Variants in NPM1 observed in about 807,000 individuals in gnomAD.
NPM1 encodes the protein nucleophosmin.
NPM1 carries 1 observed loss-of-function variant against 44.1 expected under a neutral mutation model. The ratio of observed to expected loss-of-function variants is 0.02; its 90% CI spans 0.01 to 0.11. The LOEUF (loss-of-function observed/expected upper bound fraction) is 0.11. NPM1 is among the 10% of genes least tolerant of loss of function. The pLI is 1.00. For missense variants in NPM1, 197 were observed against 347.8 expected (o/e 0.57, Z 3.45); for synonymous variants, 126 against 111.8 (o/e 1.13, Z -0.80).
At chr5:171,394,195 C>T (rs1770753087) in intron 6 of NPM1, among the ~76,000 whole-genome samples, 1 of 151,750 alleles carries the variant, frequency 6.6e-6, no homozygotes, top group Admixed American at 6.6e-5. Context: ...GCTCGGGGCA[C>T]CATGCCCTGC....
intron 1 of NPM1, 114 bp from the exon 2 acceptor site, chr5:171,389,937 G>A (rs930661947): frequency 7.6e-6 from 5 of 656,184 alleles, no homozygotes; most frequent in Non-Finnish European, 1.3e-5. Context: ...CCCTCTGGTA[G>A]CTAAAATAGT....
At chr5:171,391,123 A>T (rs1029031266) in intron 2 of NPM1, 182 bp from the exon 3 acceptor site, 1 of 644,920 alleles carries the variant, frequency 1.6e-6, no homozygotes, top group Admixed American at 3.0e-5. Flanking sequence ...GTAGTAGGCT[A>T]TACCATCTAG....
In NPM1 at chr5:171,393,051, C is replaced by T. The variant is rs528459932; in HGVS notation, c.524+73C>T. 8 of 1,521,236 alleles carry T rather than the reference C, an allele frequency of 5.3e-6. No homozygotes were observed. In the Admixed American group the frequency reaches 1.3e-4, roughly 24 times the overall value. 94.2% of individuals were successfully genotyped at this position (1,521,236 alleles called of 1,614,324 possible). On this transcript the variant is annotated intron_variant, in intron 6 of 10. Transcript: ENST00000296930. ...AAAAGGAATTTGACATAGTTATATG[C>T]ATGAGGGTTTTATAAAAGTCATTTA...
At chr5:171,403,726 G>A (rs1456587627) in intron 8 of NPM1, among the ~76,000 whole-genome samples, 55 of 140,976 alleles carry the variant, frequency 3.9e-4, no homozygotes, top group African/African-American at 5.2e-4. Flanking sequence ...GCGGCCGGCC[G>A]GGCGGGGGGC....
intron 1 of NPM1, among the ~76,000 whole-genome samples, chr5:171,388,219 G>A (rs1044702974): frequency 1.3e-5 from 2 of 152,138 alleles, no homozygotes; most frequent in Admixed American, 6.5e-5. Context: ...GGAGACGAGC[G>A]GCCTGAAGCG....
At chr5:171,406,031 A>G (rs1771542657) in intron 9 of NPM1, among the ~76,000 whole-genome samples, 1 of 152,170 alleles carries the variant, frequency 6.6e-6, no homozygotes, top group South Asian at 2.1e-4. Flanking sequence ...TGAGTAGGAT[A>G]TGGAATAAAT....
chr5:171,403,751 C>T (rs1771389793), intron 8 of NPM1, among the ~76,000 whole-genome samples: 1 of 141,608 alleles, frequency 7.1e-6, no homozygotes, highest in Non-Finnish European at 1.6e-5. Flanking sequence ...CCCCCCACCT[C>T]CCTCCCGGAC....
chr5:171,392,988 A>G lies in NPM1; in HGVS notation c.524+10A>G, dbSNP rs763837063. Reference sequence around the variant, plus strand: ...AGGATGATGATGAAGAGTAAGTATGATTTTAGAAACTTGATATACTTCCGG... The same window carrying G: ...AGGATGATGATGAAGAGTAAGTATGGTTTTAGAAACTTGATATACTTCCGG... On this transcript the variant is annotated intron_variant, in intron 6 of 10. Coordinates refer to ENST00000296930, the MANE Select transcript of NPM1 (RefSeq NM_002520.7). 2 of 1,607,534 alleles carry G rather than the reference A, an allele frequency of 1.2e-6. No homozygotes were observed. Among genetic ancestry groups the G allele is most frequent in the South Asian group, 2.2e-5 (2 of 90,580 alleles).
At chr5:171,404,164 C>T (rs1234382552) in intron 8 of NPM1, among the ~76,000 whole-genome samples, 2 of 90,612 alleles carry the variant, frequency 2.2e-5, no homozygotes, top group South Asian at 4.7e-4. Context: ...CCGGATGGCA[C>T]GGCTGGCCGG....
At chr5:171,389,909 A>C (rs1770486095) in intron 1 of NPM1, 142 bp from the exon 2 acceptor site, 10 of 617,556 alleles carry the variant, frequency 1.6e-5, no homozygotes, top group Non-Finnish European at 2.8e-6. Context: ...AAATCTAGGA[A>C]TTGATCATTC....
rs375152584 is a variant in NPM1, at chr5:171,387,906, C to G, written c.-43C>G. 1 of 1,588,140 alleles carries G rather than the reference C, an allele frequency of 6.3e-7. No homozygotes were observed. ...GTTCTCTGGAGCAGCGTTCTTTTATCTCCGTCCGCCTTCTCTCCTACCTAA... is the reference window on the plus strand; with the variant it reads ...GTTCTCTGGAGCAGCGTTCTTTTATGTCCGTCCGCCTTCTCTCCTACCTAA... On this transcript the variant is annotated 5_prime_UTR_variant, in exon 1 of 11. The change creates a new upstream start codon in the 5' untranslated region. Coordinates refer to ENST00000296930, the MANE Select transcript of NPM1 (RefSeq NM_002520.7).
intron 8 of NPM1, among the ~76,000 whole-genome samples, chr5:171,404,827 G>A (rs1771477518): frequency 6.6e-6 from 1 of 151,880 alleles, no homozygotes; most frequent in African/African-American, 2.4e-5. Flanking sequence ...TCACGCCACT[G>A]CACTCCAGCC....
chr5:171,390,727 GT>G (rs138692242), intron 2 of NPM1, among the ~76,000 whole-genome samples: 75,647 of 149,162 alleles, frequency 0.51, 19,334 homozygotes, highest in Middle Eastern at 0.59. Context: ...TACCTTTCCT[GT>G]TTTTTTTTTT....
At chr5:171,393,118 G>A in intron 6 of NPM1, 140 bp downstream of exon 6, 3 of 1,098,908 alleles carry the variant, frequency 2.7e-6, no homozygotes, top group Admixed American at 2.7e-5. Flanking sequence ...AAAAGGGCAG[G>A]TGGTCATCTG....
At chr5:171,388,589 T>G (rs1581235358) in intron 1 of NPM1, among the ~76,000 whole-genome samples, 3 of 54,000 alleles carry the variant, frequency 5.6e-5, no homozygotes, top group South Asian at 6.4e-4. Context: ...GGTTGCCACG[T>G]GGTTGGGGGA....
chr5:171,405,838 A>G, intron 9 of NPM1: 1 of 188,402 alleles, frequency 5.3e-6, no homozygotes. Context: ...CCTAGTCAGA[A>G]GTGATTTTCA....
At chr5:171,392,850 T>C (rs1383906914) in intron 5 of NPM1, 34 bp downstream of exon 5, 3 of 1,613,120 alleles carry the variant, frequency 1.9e-6, no homozygotes, top group East Asian at 2.2e-5. Context: ...GGTTTTGTAT[T>C]ATAGCTTTTA....
At chr5:171,391,921 G>T in intron 4 of NPM1, 122 bp downstream of exon 4, 1 of 477,278 alleles carries the variant, frequency 2.1e-6, no homozygotes, top group Non-Finnish European at 3.7e-6. Flanking sequence ...TCCAATGTGA[G>T]TCTAGAAATT....
In NPM1 at chr5:171,393,259, T is replaced by G. The variant is rs1770687667; in HGVS notation, c.524+281T>G. ...GAAGTTTGATTATGTCCCTTTGTTCTGAAGATTTAGTGGATGTGTTATACC... is the reference window on the plus strand; with the variant it reads ...GAAGTTTGATTATGTCCCTTTGTTCGGAAGATTTAGTGGATGTGTTATACC... On this transcript the variant is annotated intron_variant, in intron 6 of 10. Transcript: ENST00000296930. Among the ~76,000 whole-genome samples the G allele has an allele frequency of 4.6e-5, 7 of 152,126 alleles. No individual in the cohort carries two copies. In the South Asian group the frequency reaches 1.4e-3, roughly 31 times the overall value.
Sources: gnomAD v4.1 joint callset for allele counts (sites outside exome capture counted in the v4.1 genomes callset) on GRCh38, gnomAD v4.1.1 for gene constraint, MANE v1.5 for transcripts, NCBI Gene and HGNC (gene_info 2026-07-23, HGNC 2026-07-21) for gene names.